PGGHG: variants seen among roughly 807,000 people sequenced by gnomAD.
The protein encoded by PGGHG is ATH1, acid trehalase-like 1.
In PGGHG, 67 loss-of-function variants were observed where a neutral mutation model predicts 74.5. That is an observed-to-expected ratio of 0.90 (90% CI 0.74 to 1.10). The LOEUF (loss-of-function observed/expected upper bound fraction) is 1.10, where lower values mean the gene tolerates loss of function less well. PGGHG is among the 50% of genes least tolerant of loss of function. The probability of loss-of-function intolerance (pLI) is 0.00; values close to 1 mark genes in which losing one functional copy is unlikely to be tolerated. For missense variants in PGGHG, 1,034 were observed against 981.5 expected (o/e 1.05, Z -0.72); for synonymous variants, 496 against 419.9 (o/e 1.18, Z -2.21).
intron 5 of PGGHG, 149 bp downstream of exon 5, chr11:292,244 C>G (rs1296461105): frequency 3.3e-6 from 4 of 1,211,960 alleles, no homozygotes; most frequent in Non-Finnish European, 4.5e-6. Context: ...GGGGCCTCAG[C>G]AGTGCCCTGC....
Position 292,570 on chromosome 11 carries a change from G to A in PGGHG, c.1051G>A (p.Ala351Thr). ...YQGAKFAWES[A>T]DSGLEVCPED... ...GGGAGCCAAGTTTGCCTGGGAGAGT[G>A]CAGACTCCGGCCTAGAGGTTTGCCC... Residue 351 changes from alanine to threonine, a missense_variant, in exon 6 of 14, where the codon GCA becomes ACA. Physicochemically the swap from Ala to Thr is moderately conservative, Grantham distance 58 (BLOSUM62 0). Coordinates refer to ENST00000409548, the MANE Select transcript of PGGHG (RefSeq NM_025092.5). The A allele has an allele frequency of 6.2e-7, 1 of 1,613,504 alleles. No homozygotes were observed. Among genetic ancestry groups the A allele is most frequent in the Non-Finnish European group, 8.5e-7 (1 of 1,179,972 alleles).
chr11:295,038 C>G lies in PGGHG; in HGVS notation c.*289C>G. On this transcript the variant is annotated 3_prime_UTR_variant, in exon 14 of 14. Transcript: ENST00000409548. ...CGACCCCACCCCGAGCTCCTGAAGC[C>G]GGGGTCTGAGCCTGCATCACCTCTG... 9.8e-6 allele frequency: 3 copies of G among 305,380 alleles called. No individual in the cohort carries two copies. Among genetic ancestry groups the G allele is most frequent in the East Asian group, 1.1e-4 (2 of 18,100 alleles). The allele number at this position is 305,380 out of a possible 1,614,324, so 18.9% of individuals were successfully genotyped here.
rs1160576555 is a variant in PGGHG, at chr11:289,878, G to A, written c.62G>A (p.Arg21His). Residue 21 changes from arginine (R) to histidine (H), a missense_variant, in exon 2 of 14, where the codon CGT becomes CAT. Arg to His is a conservative substitution (Grantham distance 29). Coordinates refer to ENST00000409548, the MANE Select transcript of PGGHG (RefSeq NM_025092.5). The surrounding 1 kb of genome is among the most constrained non-coding windows in gnomAD (Gnocchi z 5.6). ...FAAHSLPSDPRLLATVTNAYL... is the reference protein window; with the variant it reads ...FAAHSLPSDPHLLATVTNAYL... ...GCCCACTCTCTGCCCAGTGACCCCCGTCTCTTGGCCACTGTGACCAACGCA... is the reference window on the plus strand; with the variant it reads ...GCCCACTCTCTGCCCAGTGACCCCCATCTCTTGGCCACTGTGACCAACGCA... The A allele has an allele frequency of 1.9e-6, 3 of 1,551,008 alleles. No homozygotes were observed. Among genetic ancestry groups the A allele is most frequent in the Non-Finnish European group, 2.6e-6 (3 of 1,146,910 alleles).
rs1302585432 is a variant in PGGHG, at chr11:290,043, T to A, written c.227T>A (p.Leu76Gln). ...GCCCCTGCAGGGATGGGGGAGCAGC[T>A]GACCGAGACCTTCGCCCTGGACACC... ...LEAPAGMGEQ[L>Q]TETFALDTNT... is the part of the protein sequence containing the mutation. Residue 76 changes from leucine to glutamine, a missense_variant, in exon 2 of 14, where the codon CTG (leucine) becomes CAG (glutamine). Coordinates refer to ENST00000409548, the MANE Select transcript of PGGHG (RefSeq NM_025092.5). 4 of 1,541,910 alleles carry A rather than the reference T, an allele frequency of 2.6e-6. No individual in the cohort carries two copies. Among genetic ancestry groups the A allele is most frequent in the Non-Finnish European group, 3.5e-6 (4 of 1,145,620 alleles).
Position 294,174 on chromosome 11 carries a change from G to A in PGGHG, c.1786G>A (p.Val596Ile), listed in dbSNP as rs370637098. The A allele has an allele frequency of 5.3e-5, 85 of 1,612,106 alleles. No individual in the cohort carries two copies. The highest frequency in any genetic ancestry group is 7.0e-5 in the Non-Finnish European group (83 of 1,179,162). Residue 596 changes from valine to isoleucine, a missense_variant, in exon 12 of 14, where the codon GTC (valine) becomes ATC (isoleucine). Physicochemically the swap from Val to Ile is conservative, Grantham distance 29. Coordinates refer to ENST00000409548, the MANE Select transcript of PGGHG (RefSeq NM_025092.5). ...TGMGGFLQAVVFGCTGFRVTR... is the reference protein window; with the variant it reads ...TGMGGFLQAVIFGCTGFRVTR... ...CATGGGGGGCTTCCTGCAGGCGGTG[G>A]TCTTCGGGTGCACGGGGTTCAGGTA...
chr11:295,237 A>C lies in PGGHG; in HGVS notation c.*488A>C. ...GACTCTCAGGTGCAGCTTTGCCAAA[A>C]AGGAACTTTTCATGTCATGCAGTTG... is the stretch of plus-strand genomic sequence containing the variant. On this transcript the variant is annotated 3_prime_UTR_variant, in exon 14 of 14. Coordinates refer to ENST00000409548, the MANE Select transcript of PGGHG (RefSeq NM_025092.5). 1 of 153,530 alleles carries C rather than the reference A, an allele frequency of 6.5e-6. No homozygotes were observed. The highest frequency in any genetic ancestry group is 1.4e-5 in the Non-Finnish European group (1 of 68,980). The allele number at this position is 153,530 out of a possible 1,614,324, so 9.5% of individuals were successfully genotyped here. A position where few individuals can be genotyped will look rare whatever the true frequency, so the allele number is the denominator to read the frequency against.
chr11:293,372 C>T lies in PGGHG; in HGVS notation c.1350C>T (p.Arg450=), dbSNP rs756966610. ...YTNVLVQNSL[R]FAAALAQDLG... ...CACCTACCTCCACCTCCAGCCTGCG[C>T]TTTGCTGCTGCCCTGGCCCAGGACC... The change falls in exon 9 of 14, where the codon CGC becomes CGT. Residue 450 remains arginine, a synonymous_variant. Coordinates refer to ENST00000409548, the MANE Select transcript of PGGHG (RefSeq NM_025092.5). The T allele has an allele frequency of 6.2e-7, 1 of 1,612,052 alleles. No homozygotes were observed. The highest frequency in any genetic ancestry group is 2.2e-5 in the East Asian group (1 of 44,874).
intron 12 of PGGHG, 27 bp from the exon 13 acceptor site, chr11:294,240 C>A: frequency 6.3e-7 from 1 of 1,593,096 alleles, no homozygotes; most frequent in East Asian, 2.2e-5. Context: ...CCCCCACCTG[C>A]CACCTCACAA....
At position 294,498 on chromosome 11, in the gene PGGHG, C is replaced by T. The variant is rs375270950; in HGVS notation, c.2020+20C>T. 3.1e-4 allele frequency: 110 copies of T among 359,556 alleles called. 1 individual carries two copies. The highest frequency in any genetic ancestry group is 1.6e-3 in the Admixed American group (21 of 12,878). 22.3% of individuals were successfully genotyped at this position (359,556 alleles called of 1,614,324 possible). The stretch of plus-strand genomic sequence containing the variant: ...TGCCAGGTAGAACAGCCCCCAACAG[C>T]CCAGGTGCCTGCGACCCCAGGCTGC... On this transcript the variant is annotated intron_variant, in intron 13 of 13. Coordinates refer to ENST00000409548, the MANE Select transcript of PGGHG (RefSeq NM_025092.5).
intron 4 of PGGHG, 91 bp downstream of exon 4, chr11:291,204 G>A (rs1466046473): frequency 7.1e-7 from 1 of 1,416,626 alleles, no homozygotes; most frequent in Non-Finnish European, 9.5e-7. Context: ...GCTATGGTTG[G>A]GGAAGCACAG....
intron 4 of PGGHG, 139 bp downstream of exon 4, chr11:291,252 A>G: frequency 2.7e-6 from 3 of 1,110,452 alleles, no homozygotes; most frequent in Non-Finnish European, 3.8e-6. Flanking sequence ...GAAGGTGTGC[A>G]GGAGTTTGGT....
chr11:290,722 C>T lies in PGGHG; in HGVS notation c.515C>T (p.Pro172Leu), dbSNP rs763134680. ...CTCACCCCTGAGCAGCCCGGGGGGC[C>T]ACAGCAAGAGGTACACATGCTGTGG... is the stretch of plus-strand genomic sequence containing the variant. ...HTLTPEQPGG[P>L]QQEVHMLWTP... The change falls in exon 4 of 14, where the codon CCA becomes CTA. Residue 172 changes from proline (P) to leucine (L), a missense_variant. Pro to Leu is a moderately conservative substitution (Grantham distance 98). Transcript: ENST00000409548. 2 of 1,605,148 alleles carry T rather than the reference C, an allele frequency of 1.2e-6. No homozygotes were observed. The highest frequency in any genetic ancestry group is 1.7e-6 in the Non-Finnish European group (2 of 1,174,700).
At position 294,838 on chromosome 11, in the gene PGGHG, A is replaced by G. The variant is rs978470103; in HGVS notation, c.*89A>G. On this transcript the variant is annotated 3_prime_UTR_variant, in exon 14 of 14. Coordinates refer to ENST00000409548, the MANE Select transcript of PGGHG (RefSeq NM_025092.5). Reference sequence around the variant, plus strand: ...CTCCTGGGCACCCTCCTAGCCTGCCATCCCTCACCTGCAGCCAGGCTCTCA... The same window carrying G: ...CTCCTGGGCACCCTCCTAGCCTGCCGTCCCTCACCTGCAGCCAGGCTCTCA... 8.6e-5 allele frequency: 119 copies of G among 1,381,284 alleles called. No individual in the cohort carries two copies. Among genetic ancestry groups the G allele is most frequent in the Middle Eastern group, 3.8e-4 (2 of 5,308 alleles). The allele number at this position is 1,381,284 out of a possible 1,614,324, so 85.6% of individuals were successfully genotyped here. A position where few individuals can be genotyped will look rare whatever the true frequency, so the allele number is the denominator to read the frequency against.
chr11:290,145 C>T (rs577904842), intron 2 of PGGHG, 70 bp downstream of exon 2: 14 of 1,467,582 alleles, frequency 9.5e-6, no homozygotes, highest in African/African-American at 8.4e-5. Flanking sequence ...ACCACAGCAT[C>T]GAATCCCACC....
chr11:290,313 A>T, intron 2 of PGGHG, 77 bp from the exon 3 acceptor site: 1 of 1,442,174 alleles, frequency 6.9e-7, no homozygotes. Flanking sequence ...GGGGAGAGGC[A>T]GCGGTCGGGT....
chr11:289,954 C>T lies in PGGHG; in HGVS notation c.138C>T (p.Tyr46=). 6.4e-7 allele frequency: 1 copy of T among 1,550,528 alleles called. No individual in the cohort carries two copies. The highest frequency in any genetic ancestry group is 8.7e-7 in the Non-Finnish European group (1 of 1,146,902). ...FHDTLHVSGV[Y]NGAGGDTHRA... is the part of the protein sequence containing the mutation. ...ACACGCTGCACGTGAGCGGCGTGTA[C>T]AATGGGGCTGGCGGGGACACGCACC... Residue 46 remains tyrosine, a synonymous_variant, in exon 2 of 14, where the codon TAC becomes TAT. Coordinates refer to ENST00000409548, the MANE Select transcript of PGGHG (RefSeq NM_025092.5). This position sits in a 1 kb window ranked among gnomAD's most constrained non-coding sequence, Gnocchi z 5.6.
chr11:289,755 G>T lies in PGGHG; in HGVS notation c.-13-49G>T. The T allele has an allele frequency of 6.6e-7, 1 of 1,504,278 alleles. No individual in the cohort carries two copies. Among genetic ancestry groups the T allele is most frequent in the Non-Finnish European group, 8.9e-7 (1 of 1,123,928 alleles). 93.2% of individuals were successfully genotyped at this position (1,504,278 alleles called of 1,614,324 possible). A position where few individuals can be genotyped will look rare whatever the true frequency, so the allele number is the denominator to read the frequency against. ...AGGGGATTACAGACGGTCTCAAGAGGGAGGCCCAGCCAGTCCCGCGGCCCC... is the reference window on the plus strand; with the variant it reads ...AGGGGATTACAGACGGTCTCAAGAGTGAGGCCCAGCCAGTCCCGCGGCCCC... On this transcript the variant is annotated intron_variant, in intron 1 of 13. Transcript: ENST00000409548. The surrounding 1 kb of genome is among the most constrained non-coding windows in gnomAD (Gnocchi z 5.6).
chr11:294,100 T>C lies in PGGHG; in HGVS notation c.1712T>C (p.Val571Ala). The C allele has an allele frequency of 6.2e-7, 1 of 1,605,950 alleles. No homozygotes were observed. Among genetic ancestry groups the C allele is most frequent in the Non-Finnish European group, 8.5e-7 (1 of 1,175,610 alleles). ...TGTCAGCTGCCCTTGCCCCTGCAGG[T>C]GTGGACGGAGAATGCAGACGGGTCA... ...SFANMAEPFK[V>A]WTENADGSGA... Residue 571 changes from valine to alanine, a missense_variant and splice_region_variant, in exon 12 of 14, where the codon GTG (valine) becomes GCG (alanine). Val to Ala is a moderately conservative substitution (Grantham distance 64). Coordinates refer to ENST00000409548, the MANE Select transcript of PGGHG (RefSeq NM_025092.5).
In PGGHG at chr11:293,175, C is replaced by T; in HGVS notation, c.1283C>T (p.Pro428Leu). The T allele has an allele frequency of 6.2e-7, 1 of 1,613,912 alleles. No individual in the cohort carries two copies. The highest frequency in any genetic ancestry group is 1.1e-5 in the South Asian group (1 of 91,080). Reference protein sequence around the residue: ...EKYHLRGVMSPDEYHSGVNNS... With the variant: ...EKYHLRGVMSLDEYHSGVNNS... ...CTTGTGTGTCCAGGAGTCATGTCCC[C>T]CGACGAGTACCATTCAGGGGTCAAC... Residue 428 changes from proline (P) to leucine (L), a missense_variant, in exon 8 of 14, where the codon CCC (proline) becomes CTC (leucine). Transcript: ENST00000409548.
Sources: allele counts gnomAD v4.1 joint callset, GRCh38; gene constraint gnomAD v4.1.1; non-coding constraint Gnocchi (gnomAD v3.1); transcripts MANE v1.5; gene names NCBI Gene and HGNC (gene_info 2026-07-23, HGNC 2026-07-21).